Variants in RYR2 observed in about 807,000 individuals in gnomAD.
RYR2 encodes the protein ryanodine receptor 2.
RYR2 carries 227 observed loss-of-function variants against 601.1 expected under a neutral mutation model. The ratio of observed to expected loss-of-function variants is 0.38; its 90% CI spans 0.34 to 0.42. The LOEUF is 0.42. Among genes scored for constraint, RYR2 ranks in the 10% least tolerant of loss-of-function variants. RYR2 has a pLI of 1.00. For missense variants in RYR2, 4,646 were observed against 6,156.5 expected (o/e 0.75, Z 8.21); for synonymous variants, 2,223 against 2,175.1 (o/e 1.02, Z -0.61).
intron 2 of RYR2, among the ~76,000 whole-genome samples, chr1:237,317,596 T>G (rs2149513975): frequency 1.3e-5 from 2 of 152,284 alleles, no homozygotes; most frequent in Admixed American, 1.3e-4. Flanking sequence ...TTACTTGGTG[T>G]TTCCAATGTA....
chr1:237,666,390 T>G, intron 56 of RYR2, 122 bp from the exon 57 acceptor site: 1 of 765,982 alleles, frequency 1.3e-6, no homozygotes. Flanking sequence ...GTATAGAAAC[T>G]TGCCAGTTTT....
chr1:237,253,179 A>AAAC (rs1345397528), intron 1 of RYR2, among the ~76,000 whole-genome samples: 51 of 149,326 alleles, frequency 3.4e-4, no homozygotes, highest in African/African-American at 5.6e-4. Context: ...AAAAAAAAAA[A>AAAC]AACAACAACA....
At chr1:237,761,138 T>C (rs1373517062) in intron 84 of RYR2, 110 bp downstream of exon 84, 24 of 719,778 alleles carry the variant, frequency 3.3e-5, no homozygotes, top group East Asian at 3.1e-4. Flanking sequence ...TTAAAGTTGA[T>C]GAAATGCTTA....
Position 237,275,274 on chromosome 1 carries a change from G to A in RYR2, c.168+4658G>A, listed in dbSNP as rs549863701. Among the ~76,000 whole-genome samples the A allele has an allele frequency of 3.6e-3, 554 of 151,986 alleles. 2 individuals carry two copies. Among genetic ancestry groups the A allele is most frequent in the Non-Finnish European group, 6.1e-3 (413 of 67,960 alleles). On this transcript the variant is annotated intron_variant, in intron 2 of 104. Transcript: ENST00000366574. ...TGATTATATAAACAATTATAAGTGA[G>A]TTTGACTTACCTATTAAAATAAGAA...
At chr1:237,726,583 A>G (rs949770468) in intron 75 of RYR2, among the ~76,000 whole-genome samples, 1 of 152,078 alleles carries the variant, frequency 6.6e-6, no homozygotes, top group African/African-American at 2.4e-5. Flanking sequence ...ATCCTGCTGT[A>G]TTAAAGAATA....
intron 1 of RYR2, among the ~76,000 whole-genome samples, chr1:237,101,322 A>AC (rs1558234305): frequency 6.6e-6 from 1 of 151,632 alleles, no homozygotes; most frequent in East Asian, 1.9e-4. Context: ...AAAAAAAAAA[A>AC]AACCTCACAA....
Position 237,625,804 on chromosome 1 carries a change from T to C in RYR2, c.6166T>C (p.Ser2056Pro). The C allele has an allele frequency of 6.2e-7, 1 of 1,613,434 alleles. No homozygotes were observed. Among genetic ancestry groups the C allele is most frequent in the Non-Finnish European group, 8.5e-7 (1 of 1,179,636 alleles). ...AGTTGAGAGTGACTCCAAAAAGTCC[T>C]GTAAGCAGTATGAGAGTGCACTGGC... is the stretch of plus-strand genomic sequence containing the variant. ...KPVESDSKKS[S>P]TLQQLISETM... The change falls in exon 40 of 105, where the codon TCC (serine) becomes CCC (proline). Residue 2056 changes from serine to proline, a missense_variant and splice_region_variant. Physicochemically the swap from Ser to Pro is moderately conservative, Grantham distance 74. Transcript: ENST00000366574.
At chr1:237,203,693 A>T (rs79278878) in intron 1 of RYR2, among the ~76,000 whole-genome samples, 3,302 of 150,316 alleles carry the variant, frequency 0.022, 118 homozygotes, top group African/African-American at 0.073. Context: ...TGTAGTAAAA[A>T]TTTTTTTTTT....
intron 1 of RYR2, among the ~76,000 whole-genome samples, chr1:237,144,946 T>C (rs997291950): frequency 4.6e-5 from 7 of 152,156 alleles, no homozygotes; most frequent in Admixed American, 2.0e-4. Flanking sequence ...TTTCCTTGCT[T>C]GTACCACTAT....
intron 34 of RYR2, among the ~76,000 whole-genome samples, chr1:237,598,293 G>T (rs573626904): frequency 6.6e-6 from 1 of 152,248 alleles, no homozygotes; most frequent in African/African-American, 2.4e-5. Flanking sequence ...GATTTAAACT[G>T]CACTCTAGAC....
intron 2 of RYR2, among the ~76,000 whole-genome samples, chr1:237,305,643 G>T (rs1431574478): frequency 1.3e-5 from 2 of 152,172 alleles, no homozygotes; most frequent in Non-Finnish European, 2.9e-5. Flanking sequence ...TGTTGCTTGG[G>T]CTGGTCTTGA....
At chr1:237,266,636 C>CA (rs1258107024) in intron 1 of RYR2, among the ~76,000 whole-genome samples, 4 of 152,194 alleles carry the variant, frequency 2.6e-5, no homozygotes, top group South Asian at 4.1e-4. Flanking sequence ...ACTTTCTGTC[C>CA]AAAAGGAACC....
intron 18 of RYR2, among the ~76,000 whole-genome samples, chr1:237,492,416 A>G (rs911729165): frequency 6.6e-6 from 1 of 152,238 alleles, no homozygotes; most frequent in African/African-American, 2.4e-5. Flanking sequence ...CAATTTATAT[A>G]TGAAGAAAAG....
At chr1:237,496,259 T>G (rs1042697676) in intron 19 of RYR2, among the ~76,000 whole-genome samples, 2 of 151,840 alleles carry the variant, frequency 1.3e-5, no homozygotes, top group Non-Finnish European at 2.9e-5. Flanking sequence ...AAAAAGAAAA[T>G]TAGTTGGGCG....
intron 10 of RYR2, among the ~76,000 whole-genome samples, chr1:237,398,946 C>T (rs1005308662): frequency 1.3e-5 from 2 of 152,182 alleles, no homozygotes; most frequent in Non-Finnish European, 2.9e-5. Context: ...GTAATCCCAG[C>T]ATTTTGGGAG....
intron 20 of RYR2, 82 bp from the exon 21 acceptor site, chr1:237,500,629 C>G: frequency 8.1e-7 from 1 of 1,238,804 alleles, no homozygotes; most frequent in South Asian, 1.6e-5. Flanking sequence ...ACTACTTATT[C>G]AAATCTTTTG....
intron 1 of RYR2, among the ~76,000 whole-genome samples, chr1:237,129,997 A>G (rs1374155332): frequency 6.6e-6 from 1 of 152,178 alleles, no homozygotes; most frequent in Non-Finnish European, 1.5e-5. Context: ...TTTCAGTTAG[A>G]TAGTATGAAT....
At chr1:237,660,709 T>A (rs1683700781) in intron 55 of RYR2, 101 bp from the exon 56 acceptor site, 1 of 1,061,996 alleles carries the variant, frequency 9.4e-7, no homozygotes, top group East Asian at 2.8e-5. Context: ...GCTCATCAAA[T>A]TTTTAAAAAG....
intron 1 of RYR2, among the ~76,000 whole-genome samples, chr1:237,062,538 TA>T (rs1558166233): frequency 6.6e-6 from 1 of 152,204 alleles, no homozygotes; most frequent in Non-Finnish European, 1.5e-5. Context: ...TCTTAGACTG[TA>T]AAAATATAAT....
Sources: allele counts gnomAD v4.1 joint callset (sites outside exome capture counted in the v4.1 genomes callset), GRCh38; gene constraint gnomAD v4.1.1; transcripts MANE v1.5; gene names NCBI Gene and HGNC (gene_info 2026-07-23, HGNC 2026-07-21).